VPS37A: variants seen among roughly 807,000 people sequenced by gnomAD.
VPS37A encodes the protein vacuolar protein sorting-associated protein 37A.
In VPS37A, 30 loss-of-function variants were observed where a neutral mutation model predicts 49.8. The observed-to-expected ratio is 0.60, with a 90% CI of 0.45 to 0.82. The LOEUF is 0.82. Ranked by LOEUF, VPS37A falls within the 40% of genes least tolerant of loss-of-function variation. The pLI, the probability that VPS37A is intolerant of heterozygous loss-of-function variation, is 0.00. For missense variants in VPS37A, 593 were observed against 464.4 expected, an observed-to-expected ratio of 1.28 and a Z score of -2.55; for synonymous variants, 195 against 160.6, an observed-to-expected ratio of 1.21 and a Z score of -1.62.
chr8:17,299,229 G>C (rs1161497825), downstream of VPS37A: 2 of 152,162 alleles, frequency 1.3e-5, no homozygotes, highest in African/African-American at 4.8e-5. Context: ...ATAATGAGGA[G>C]AAACAGACTA....
At chr8:17,323,563 G>C in the VPS37A span, among the ~76,000 whole-genome samples, 7 of 152,054 alleles carry the variant, frequency 4.6e-5, no homozygotes, top group Admixed American at 2.0e-4. Context: ...CACTAGAGAG[G>C]AGGCCAGGAA....
downstream of VPS37A, chr8:17,299,897 G>C: frequency 6.2e-7 from 1 of 1,614,058 alleles, no homozygotes; most frequent in Non-Finnish European, 8.5e-7. Flanking sequence ...TCAGAATCCC[G>C]GTCCTTGCCA....
intron 11 of VPS37A, among the ~76,000 whole-genome samples, chr8:17,289,561 G>T (rs1243308031): frequency 6.6e-6 from 1 of 152,098 alleles, no homozygotes; most frequent in Non-Finnish European, 1.5e-5. Flanking sequence ...TGGTCTGTAT[G>T]TCTGTTTTGG....
chr8:17,315,190 C>G, the VPS37A span, among the ~76,000 whole-genome samples: 2 of 152,096 alleles, frequency 1.3e-5, no homozygotes, highest in South Asian at 2.1e-4. Context: ...TGAAAAGACA[C>G]AGAGGGAAGT....
chr8:17,257,728 G>C (rs531627432), intron 1 of VPS37A, among the ~76,000 whole-genome samples: 1 of 152,286 alleles, frequency 6.6e-6, no homozygotes, highest in East Asian at 1.9e-4. Context: ...GCTTTGGGTA[G>C]TATTGTCATT....
chr8:17,311,464 C>A, the VPS37A span: 56 of 1,612,398 alleles, frequency 3.5e-5, no homozygotes, highest in Middle Eastern at 8.3e-4. Context: ...GGGGTCCATT[C>A]CTGGTCAAGG....
At chr8:17,319,134 C>G in the VPS37A span, among the ~76,000 whole-genome samples, 1 of 152,178 alleles carries the variant, frequency 6.6e-6, no homozygotes, top group African/African-American at 2.4e-5. Context: ...GGCAATAGCA[C>G]GTAGCAATGT....
downstream of VPS37A, chr8:17,302,411 G>C (rs1353351602): frequency 1.0e-6 from 1 of 978,370 alleles, no homozygotes; most frequent in Non-Finnish European, 1.4e-6. Context: ...CCTCAAAAAA[G>C]CCACTACTTA....
At chr8:17,311,595 A>C in the VPS37A span, 2 of 1,614,032 alleles carry the variant, frequency 1.2e-6, no homozygotes, top group East Asian at 4.5e-5. Flanking sequence ...CCCAGCCATC[A>C]GAACAGTGAA....
At chr8:17,300,229 G>A (rs747754063), downstream of VPS37A, 4 of 1,595,116 alleles carry the variant, frequency 2.5e-6, no homozygotes, top group Non-Finnish European at 3.4e-6. Context: ...CAGCCTCTAA[G>A]AAAGAAATAA....
downstream of VPS37A, chr8:17,302,521 C>G (rs571906802): frequency 2.6e-6 from 1 of 383,050 alleles, no homozygotes; most frequent in Non-Finnish European, 4.6e-6. Context: ...TGAATTAGCA[C>G]AGAATACATT....
chr8:17,282,749 C>T (rs895046904), intron 9 of VPS37A, among the ~76,000 whole-genome samples: 1 of 151,966 alleles, frequency 6.6e-6, no homozygotes, highest in Non-Finnish European at 1.5e-5. Flanking sequence ...AAAAAAGACA[C>T]ACACACACAC....
the VPS37A span, among the ~76,000 whole-genome samples, chr8:17,313,118 T>C: frequency 6.6e-6 from 1 of 152,234 alleles, no homozygotes; most frequent in African/African-American, 2.4e-5. Flanking sequence ...CTAAGCATTG[T>C]ATTCTTTCGC....
chr8:17,300,770 C>T (rs1337952354), downstream of VPS37A, among the ~76,000 whole-genome samples: 1 of 152,230 alleles, frequency 6.6e-6, no homozygotes, highest in Non-Finnish European at 1.5e-5. Context: ...AGTCATTTCC[C>T]ATTCCTATCT....
At chr8:17,269,047 C>A in intron 4 of VPS37A, 91 bp downstream of exon 4, 1 of 907,248 alleles carries the variant, frequency 1.1e-6, no homozygotes, top group Admixed American at 3.2e-5. Context: ...TGTTAAAAAT[C>A]AGTCCTCTGA....
rs950308041 is a variant in VPS37A at position 17,297,698 on chromosome 8, T to A, written c.*2712T>A. ...CTGCTCTCAATAAAACACTTCCTGA[T>A]TAATGTTTGATTATTAGATATTTTA... On this transcript the variant is annotated 3_prime_UTR_variant, in exon 12 of 12. Transcript: ENST00000324849. The A allele has an allele frequency of 2.0e-5, 3 of 152,114 alleles. No homozygotes were observed. The highest frequency in any genetic ancestry group is 4.4e-5 in the Non-Finnish European group (3 of 67,944). The allele number at this position is 152,114 out of a possible 1,614,324, so 9.4% of individuals were successfully genotyped here.
At chr8:17,294,902 G>C (rs926834565) in intron 11 of VPS37A, 85 bp from the exon 12 acceptor site, 1 of 152,190 alleles carries the variant, frequency 6.6e-6, no homozygotes, top group Non-Finnish European at 1.5e-5. Flanking sequence ...GCCACTGTGG[G>C]CAAATCTTAA....
chr8:17,299,774 T>C, downstream of VPS37A: 2 of 1,535,958 alleles, frequency 1.3e-6, no homozygotes, highest in Middle Eastern at 1.8e-4. Flanking sequence ...CATGCACCAT[T>C]TCCTGTTTTT....
chr8:17,253,291 G>C (rs1254651906), intron 1 of VPS37A, among the ~76,000 whole-genome samples: 1 of 152,118 alleles, frequency 6.6e-6, no homozygotes, highest in African/African-American at 2.4e-5. Context: ...ACTACCACAA[G>C]GTTCTAACAG....
Sources: allele counts gnomAD v4.1 joint callset (sites outside exome capture counted in the v4.1 genomes callset), GRCh38; gene constraint gnomAD v4.1.1; transcripts MANE v1.5; gene names NCBI Gene and HGNC (gene_info 2026-07-23, HGNC 2026-07-21).